Variants in ZC4H2 observed in about 807,000 individuals in gnomAD.
ZC4H2 encodes zinc finger C4H2 domain-containing protein.
For missense variants in ZC4H2, 137 were observed against 173.9 expected (o/e 0.79, Z 1.19); for synonymous variants, 84 against 66.3 (o/e 1.27, Z -1.30).
chrX:64,990,305 A>G (rs1230326073), intron 1 of ZC4H2, among the ~76,000 whole-genome samples: 1 of 112,122 alleles, frequency 8.9e-6, no homozygotes, highest in Admixed American at 9.5e-5. Flanking sequence ...CATTCTGGGA[A>G]TGACAAAATC....
chrX:64,940,384 T>A (rs1602399758), intron 1 of ZC4H2, among the ~76,000 whole-genome samples: 1 of 111,851 alleles, frequency 8.9e-6, no homozygotes, highest in Non-Finnish European at 1.9e-5. Flanking sequence ...TAGTTTCTTT[T>A]GCTGTGCAGA....
intron 1 of ZC4H2, among the ~76,000 whole-genome samples, chrX:64,959,012 C>T (rs1292223299): frequency 5.4e-5 from 6 of 111,354 alleles, no homozygotes; most frequent in Non-Finnish European, 1.1e-4. Flanking sequence ...GACTATATTA[C>T]CCCATCCCTT....
At chrX:64,947,663 G>C (rs1178324862) in intron 1 of ZC4H2, among the ~76,000 whole-genome samples, 2 of 111,917 alleles carry the variant, frequency 1.8e-5, no homozygotes, top group Non-Finnish European at 3.8e-5. Context: ...ACGTAGACAA[G>C]ACTGAAAACC....
chrX:65,011,220 T>C (rs1211807891), intron 1 of ZC4H2, among the ~76,000 whole-genome samples: 1 of 112,176 alleles, frequency 8.9e-6, no homozygotes, highest in South Asian at 3.7e-4. Context: ...TATCCTTATA[T>C]CACTTTTGAG....
chrX:65,022,701 C>T (rs749322971), intron 1 of ZC4H2, among the ~76,000 whole-genome samples: 6 of 111,486 alleles, frequency 5.4e-5, no homozygotes, highest in Non-Finnish European at 1.1e-4. Flanking sequence ...TTCACAATTG[C>T]TACAAAGAAT....
chrX:64,976,927 T>C (rs1456859485), upstream of ZC4H2, among the ~76,000 whole-genome samples: 1 of 12,943 alleles, frequency 7.7e-5, no homozygotes, highest in African/African-American at 3.0e-4. Context: ...CAATTTAGGG[T>C]GGGGCGGGGG....
In ZC4H2 at chrX:64,932,894, A is replaced by G. The variant is rs137956659; in HGVS notation, c.54-10906T>C. ...AGTTCTTTTGACTTCTTCAGTTTGG[A>G]TGTCTAGACCTCTAGCAAGGCCAGG... On this transcript the variant is annotated intron_variant, in intron 1 of 4. Transcript: ENST00000374839. 1.6e-3 allele frequency among the ~76,000 whole-genome samples: 175 copies of G among 111,392 alleles called. 1 individual carries two copies. Among genetic ancestry groups the G allele is most frequent in the African/African-American group, 5.1e-3 (158 of 30,724 alleles).
intron 1 of ZC4H2, among the ~76,000 whole-genome samples, chrX:65,016,917 A>T (rs1013420280): frequency 1.8e-5 from 2 of 112,090 alleles, no homozygotes; most frequent in Admixed American, 9.5e-5. Flanking sequence ...GCTGAGACCA[A>T]GGCTTTGCCC....
chrX:64,917,484 A>G lies in ZC4H2; in HGVS notation c.*299T>C, dbSNP rs779367393. On this transcript the variant is annotated 3_prime_UTR_variant, in exon 5 of 5. Coordinates refer to ENST00000374839, the MANE Select transcript of ZC4H2 (RefSeq NM_018684.4). ...CAGGCCTCAGGCACAAGAGATAGAG[A>G]ATCATATCTGAGCCTTTTGCCCTTC... The G allele has an allele frequency of 4.2e-6, 1 of 239,304 alleles. No homozygotes were observed. Among genetic ancestry groups the G allele is most frequent in the East Asian group, 9.0e-5 (1 of 11,157 alleles). 19.7% of individuals were successfully genotyped at this position (239,304 alleles called of 1,213,427 possible).
intron 1 of ZC4H2, among the ~76,000 whole-genome samples, chrX:64,929,423 A>AG (rs777270665): frequency 8.9e-6 from 1 of 111,965 alleles, no homozygotes; most frequent in East Asian, 2.8e-4. Flanking sequence ...TTGGAGTCTT[A>AG]GTCATGAATT....
chrX:64,971,089 T>A (rs914964523), intron 1 of ZC4H2, among the ~76,000 whole-genome samples: 2 of 112,742 alleles, frequency 1.8e-5, no homozygotes, highest in African/African-American at 6.4e-5. Context: ...ATAATTTCCT[T>A]TTTATTTTAA....
At chrX:64,941,621 G>A (rs1039263417) in intron 1 of ZC4H2, among the ~76,000 whole-genome samples, 23 of 111,828 alleles carry the variant, frequency 2.1e-4, no homozygotes, top group Admixed American at 1.3e-3. Flanking sequence ...GAATTTTATC[G>A]AATGTCTTTT....
chrX:64,945,271 C>T (rs943835690), intron 1 of ZC4H2, among the ~76,000 whole-genome samples: 3 of 112,232 alleles, frequency 2.7e-5, no homozygotes, highest in Admixed American at 9.4e-5. Context: ...TTTGTGTGGG[C>T]ATCCTTTATG....
intron 1 of ZC4H2, among the ~76,000 whole-genome samples, chrX:65,033,577 A>G (rs944335659): frequency 1.5e-4 from 17 of 111,583 alleles, no homozygotes; most frequent in African/African-American, 5.6e-4. Flanking sequence ...GAGGACTTTG[A>G]ATGTTAAGCT....
chrX:64,948,319 G>GA (rs1359758252), intron 1 of ZC4H2, among the ~76,000 whole-genome samples: 7 of 110,864 alleles, frequency 6.3e-5, no homozygotes, highest in African/African-American at 2.3e-4. Context: ...GACTGGGTCA[G>GA]AAAAAAACTG....
At chrX:64,981,609 G>C (rs1214348472) in intron 1 of ZC4H2, among the ~76,000 whole-genome samples, 1 of 111,135 alleles carries the variant, frequency 9.0e-6, no homozygotes, top group Non-Finnish European at 1.9e-5. Context: ...AAGACTGGAA[G>C]AGAACCGTAC....
chrX:64,960,467 T>C (rs1003369220), intron 1 of ZC4H2, among the ~76,000 whole-genome samples: 8 of 111,564 alleles, frequency 7.2e-5, no homozygotes, highest in African/African-American at 2.6e-4. Context: ...AGAGCCCACA[T>C]GGACCTATTT....
At chrX:64,954,380 A>G (rs1931062110) in intron 1 of ZC4H2, among the ~76,000 whole-genome samples, 1 of 75,752 alleles carries the variant, frequency 1.3e-5, no homozygotes, top group African/African-American at 9.7e-5. Context: ...ATAATTATAT[A>G]TATTTATAAT....
chrX:64,943,594 G>A (rs758980732), intron 1 of ZC4H2, among the ~76,000 whole-genome samples: 10 of 77,400 alleles, frequency 1.3e-4, no homozygotes, highest in South Asian at 4.0e-4. Flanking sequence ...AATATCCTTC[G>A]TCTTTCTTGA....
Sources: allele counts gnomAD v4.1 joint callset (sites outside exome capture counted in the v4.1 genomes callset), GRCh38; gene constraint gnomAD v4.1.1; transcripts MANE v1.5; gene names NCBI Gene and HGNC (gene_info 2026-07-23, HGNC 2026-07-21).